NR3C2: variants seen among roughly 807,000 people sequenced by gnomAD.
The protein encoded by NR3C2 is mineralocorticoid receptor.
NR3C2 carries 15 observed loss-of-function variants against 86.4 expected under a neutral mutation model. The observed-to-expected ratio is 0.17, with a 90% CI of 0.12 to 0.27. The LOEUF (loss-of-function observed/expected upper bound fraction) is 0.27, where lower values mean the gene tolerates loss of function less well. NR3C2 is among the 10% of genes least tolerant of loss of function. The probability of loss-of-function intolerance (pLI) is 1.00; values close to 1 mark genes in which losing one functional copy is unlikely to be tolerated. For synonymous variants in NR3C2, 458 were observed against 450.5 expected (o/e 1.02, Z -0.21); for missense variants, 960 against 1,195.6 (o/e 0.80, Z 2.91).
At chr4:148,228,604 C>T (rs1438450104) in intron 3 of NR3C2, among the ~76,000 whole-genome samples, 1 of 152,132 alleles carries the variant, frequency 6.6e-6, no homozygotes, top group Non-Finnish European at 1.5e-5. Flanking sequence ...TTTTCTTCAG[C>T]CTATGACTTC....
chr4:148,230,856 T>C (rs919412345), intron 3 of NR3C2, among the ~76,000 whole-genome samples: 1 of 152,344 alleles, frequency 6.6e-6, no homozygotes, highest in African/African-American at 2.4e-5. Context: ...TGTGATTTCC[T>C]AGTATCACAT....
At chr4:148,109,377 A>T (rs938505357) in intron 8 of NR3C2, among the ~76,000 whole-genome samples, 1 of 152,176 alleles carries the variant, frequency 6.6e-6, no homozygotes, top group African/African-American at 2.4e-5. Flanking sequence ...TAGACACTCA[A>T]GTATTTGTTG....
intron 6 of NR3C2, among the ~76,000 whole-genome samples, chr4:148,140,962 A>AAG (rs1437152522): frequency 6.6e-6 from 1 of 152,262 alleles, no homozygotes; most frequent in African/African-American, 2.4e-5. Flanking sequence ...AACATACAGC[A>AAG]GTACTCTTGA....
intron 3 of NR3C2, among the ~76,000 whole-genome samples, chr4:148,229,116 A>G (rs1271883317): frequency 6.6e-6 from 1 of 152,164 alleles, no homozygotes; most frequent in Non-Finnish European, 1.5e-5. Context: ...ATTAAAGCAA[A>G]TTGATAGATG....
chr4:148,402,868 A>AAATGGC (rs1435943603), intron 2 of NR3C2, among the ~76,000 whole-genome samples: 1 of 152,262 alleles, frequency 6.6e-6, no homozygotes. Context: ...ATTAAATTTA[A>AAATGGC]AATGGCAAGC....
Position 148,288,554 on chromosome 4 carries a change from G to T in NR3C2, c.1758-28437C>A, listed in dbSNP as rs1209513669. 3.9e-5 allele frequency among the ~76,000 whole-genome samples: 6 copies of T among 152,290 alleles called. No individual in the cohort carries two copies. The South Asian group carries it at 1.2e-3, about 32-fold the overall frequency. On this transcript the variant is annotated intron_variant, in intron 2 of 8. Coordinates refer to ENST00000358102, the MANE Select transcript of NR3C2 (RefSeq NM_000901.5). The stretch of plus-strand genomic sequence containing the variant: ...TCCTCACCCCTCCATTGAGCACAGG[G>T]TTGCTGGGCGCCAGCCAATTGCTCT...
intron 2 of NR3C2, among the ~76,000 whole-genome samples, chr4:148,322,637 C>A (rs1472758938): frequency 3.5e-5 from 3 of 85,056 alleles, no homozygotes; most frequent in African/African-American, 1.5e-4. Context: ...TTTCATCTTC[C>A]ATTGCTGATA....
At chr4:148,280,839 A>C (rs1020244567) in intron 2 of NR3C2, among the ~76,000 whole-genome samples, 6 of 152,180 alleles carry the variant, frequency 3.9e-5, no homozygotes, top group African/African-American at 1.2e-4. Flanking sequence ...ACACCTGTGC[A>C]TGAGCTGTTT....
Position 148,435,486 on chromosome 4 carries a change from A to G in NR3C2, c.1375T>C (p.Ser459Pro), listed in dbSNP as rs891008795. 7.4e-6 allele frequency: 12 copies of G among 1,614,190 alleles called. No individual in the cohort carries two copies. The highest frequency in any genetic ancestry group is 1.0e-5 in the Non-Finnish European group (12 of 1,180,038). Reference protein sequence around the residue: ...PFPFMDGSYFSFMDDKDYYSL... With the variant: ...PFPFMDGSYFPFMDDKDYYSL... ...TAATAGTCTTTATCATCCATAAAGG[A>G]AAAATACGAGCCATCCATAAATGGA... Residue 459 changes from serine (S) to proline (P), a missense_variant, in exon 2 of 9, where the codon TCC becomes CCC. Physicochemically the swap from Ser to Pro is moderately conservative, Grantham distance 74 (BLOSUM62 -1). Transcript: ENST00000358102.
intron 3 of NR3C2, among the ~76,000 whole-genome samples, chr4:148,210,231 C>T (rs990818719): frequency 6.6e-6 from 1 of 152,054 alleles, no homozygotes; most frequent in Non-Finnish European, 1.5e-5. Flanking sequence ...TGCTCTGTCA[C>T]CCAGGCTGGA....
At chr4:148,223,676 A>G (rs1737986699) in intron 3 of NR3C2, among the ~76,000 whole-genome samples, 1 of 152,226 alleles carries the variant, frequency 6.6e-6, no homozygotes, top group Admixed American at 6.5e-5. Context: ...ATTGGAAGAA[A>G]GAAAGAGGTA....
At chr4:148,393,610 G>A (rs1168877145) in intron 2 of NR3C2, among the ~76,000 whole-genome samples, 2 of 152,128 alleles carry the variant, frequency 1.3e-5, no homozygotes, top group African/African-American at 4.8e-5. Flanking sequence ...GCTCCTCAGG[G>A]ACACAGGGAT....
chr4:148,410,846 C>T (rs1450532803), intron 2 of NR3C2, among the ~76,000 whole-genome samples: 1 of 152,094 alleles, frequency 6.6e-6, no homozygotes, highest in East Asian at 1.9e-4. Context: ...AAGAGTATCA[C>T]ACATCATTTG....
chr4:148,313,830 T>C (rs527593982), intron 2 of NR3C2, among the ~76,000 whole-genome samples: 1 of 152,212 alleles, frequency 6.6e-6, no homozygotes, highest in African/African-American at 2.4e-5. Flanking sequence ...TCTTGCTAAG[T>C]TCAACAGTAT....
At chr4:148,301,997 TTGTTA>T (rs755464873) in intron 2 of NR3C2, among the ~76,000 whole-genome samples, 2 of 152,254 alleles carry the variant, frequency 1.3e-5, no homozygotes, top group East Asian at 1.9e-4. Flanking sequence ...ACAATTAAGA[TTGTTA>T]TGTTAAGTTA....
chr4:148,282,698 A>G (rs1235986551), intron 2 of NR3C2, among the ~76,000 whole-genome samples: 1 of 152,158 alleles, frequency 6.6e-6, no homozygotes, highest in Non-Finnish European at 1.5e-5. Flanking sequence ...GGGGACAAAA[A>G]TATCCTGATA....
chr4:148,444,481 C>T, upstream of NR3C2: 5 of 985,200 alleles, frequency 5.1e-6, no homozygotes, highest in Non-Finnish European at 6.0e-6. Context: ...CTCTCCGGAC[C>T]CCCTCTCGCC....
intron 6 of NR3C2, among the ~76,000 whole-genome samples, chr4:148,134,855 G>A (rs1437896999): frequency 2.0e-5 from 3 of 150,276 alleles, no homozygotes; most frequent in Non-Finnish European, 4.4e-5. Flanking sequence ...TGGGGTTTCC[G>A]CATGTTGGCC....
intron 4 of NR3C2, among the ~76,000 whole-genome samples, chr4:148,185,061 C>T (rs1346944954): frequency 6.6e-6 from 1 of 152,166 alleles, no homozygotes; most frequent in African/African-American, 2.4e-5. Context: ...AACGAACCAC[C>T]CCACATTCAC....
Sources: allele counts gnomAD v4.1 joint callset (sites outside exome capture counted in the v4.1 genomes callset), GRCh38; gene constraint gnomAD v4.1.1; transcripts MANE v1.5; gene names NCBI Gene and HGNC (gene_info 2026-07-23, HGNC 2026-07-21).